Variants in RGS12 observed in about 807,000 individuals in gnomAD.
RGS12 encodes the protein regulator of G protein signaling 12.
RGS12 carries 66 observed loss-of-function variants against 120.1 expected under a neutral mutation model. The ratio of observed to expected loss-of-function variants is 0.55; its 90% CI spans 0.45 to 0.67. The LOEUF (loss-of-function observed/expected upper bound fraction) is 0.67. RGS12 is among the 30% of genes least tolerant of loss of function. The pLI is 0.00. For synonymous variants in RGS12, 827 were observed against 804.7 expected, an observed-to-expected ratio of 1.03 and a Z score of -0.47; for missense variants, 1,859 against 1,957.7, an observed-to-expected ratio of 0.95 and a Z score of 0.95.
chr4:3,306,286 G>A (rs1723961835), intron 1 of RGS12, among the ~76,000 whole-genome samples: 1 of 152,218 alleles, frequency 6.6e-6, no homozygotes, highest in Non-Finnish European at 1.5e-5. Flanking sequence ...GGAGCATTGG[G>A]GGCCGCCTGG....
At chr4:3,406,603 A>G (rs1304578234) in intron 4 of RGS12, among the ~76,000 whole-genome samples, 1 of 152,202 alleles carries the variant, frequency 6.6e-6, no homozygotes, top group Admixed American at 6.5e-5. Flanking sequence ...CAGAGAGTGC[A>G]GTGTCCTAGA....
chr4:3,423,373 G>C lies in RGS12; in HGVS notation c.3108-142G>C, dbSNP rs1389413473. 5.3e-6 allele frequency: 6 copies of C among 1,140,820 alleles called. No homozygotes were observed. In the African/African-American group the frequency reaches 7.6e-5, roughly 14 times the overall value. 70.7% of individuals were successfully genotyped at this position (1,140,820 alleles called of 1,614,324 possible). ...ACTTTTCCCACGTGGAGGAAGGCAC[G>C]TTCTGATCAGCTGGGGCTGAACTGG... On this transcript the variant is annotated intron_variant, in intron 12 of 17. Transcript: ENST00000336727.
chr4:3,321,239 G>A (rs939261562), intron 2 of RGS12, among the ~76,000 whole-genome samples: 9 of 152,202 alleles, frequency 5.9e-5, no homozygotes, highest in African/African-American at 2.2e-4. Flanking sequence ...AAAAGTGGGC[G>A]TGGGAGGCTT....
chr4:3,362,866 A>C (rs1240357139), intron 3 of RGS12, among the ~76,000 whole-genome samples: 1 of 117,914 alleles, frequency 8.5e-6, no homozygotes, highest in African/African-American at 3.7e-5. Context: ...TGTGTGTGCG[A>C]GGGTGTGTGT....
At chr4:3,288,263 G>A (rs574865307), upstream of RGS12, among the ~76,000 whole-genome samples, 1 of 152,248 alleles carries the variant, frequency 6.6e-6, no homozygotes, top group South Asian at 2.1e-4. This position sits in a 1 kb window ranked among gnomAD's most constrained non-coding sequence, Gnocchi z 5.2. Context: ...CTTCACAAAG[G>A]TTGTGACACA....
chr4:3,326,688 G>C (rs906572509), intron 2 of RGS12, among the ~76,000 whole-genome samples: 1 of 152,088 alleles, frequency 6.6e-6, no homozygotes, highest in African/African-American at 2.4e-5. Context: ...AGCTGAGAAA[G>C]AAATCAAGGA....
intron 3 of RGS12, among the ~76,000 whole-genome samples, chr4:3,358,148 C>CTGTT (rs1180128641): frequency 6.6e-6 from 1 of 152,032 alleles, no homozygotes; most frequent in Non-Finnish European, 1.5e-5. Context: ...AGATTATTCA[C>CTGTT]TGTTAGTGTA....
intron 1 of RGS12, among the ~76,000 whole-genome samples, chr4:3,294,196 C>G (rs967520662): frequency 4.6e-5 from 7 of 152,282 alleles, no homozygotes; most frequent in Admixed American, 4.6e-4. Flanking sequence ...CCGTCCTGTG[C>G]AGGGCCCTTC....
Position 3,365,601 on chromosome 4 carries a change from G to T in RGS12, c.1999-20815G>T, listed in dbSNP as rs1241387333. Among the ~76,000 whole-genome samples the T allele has an allele frequency of 2.0e-5, 3 of 152,108 alleles. No individual in the cohort carries two copies. Among genetic ancestry groups the T allele is most frequent in the Non-Finnish European group, 4.4e-5 (3 of 68,024 alleles). On this transcript the variant is annotated intron_variant, in intron 3 of 17. Transcript: ENST00000336727. This position sits in a 1 kb window ranked among gnomAD's most constrained non-coding sequence, Gnocchi z 4.0. ...CTTGGCTGTTGGGTTGATAATGTTG[G>T]CTTCTTCCTGGCCTCCCACTCACCT...
chr4:3,359,444 CCTT>C (rs1279885244), intron 3 of RGS12, among the ~76,000 whole-genome samples: 1 of 63,050 alleles, frequency 1.6e-5, no homozygotes, highest in African/African-American at 6.6e-5. Context: ...TCCCTCTCCC[CCTT>C]CTTCTTTTAG....
At chr4:3,423,391 T>C in intron 12 of RGS12, 124 bp from the exon 13 acceptor site, 1 of 1,315,612 alleles carries the variant, frequency 7.6e-7, no homozygotes, top group Non-Finnish European at 1.1e-6. Flanking sequence ...CAGCTGGGGC[T>C]GAACTGGGGG....
chr4:3,382,679 C>T (rs899552909), intron 3 of RGS12, among the ~76,000 whole-genome samples: 1 of 152,226 alleles, frequency 6.6e-6, no homozygotes, highest in South Asian at 2.1e-4. Flanking sequence ...TCTGCCCATC[C>T]CTCTGTACTG....
chr4:3,425,623 TATGGAGCCGGTGCAGGGGAGGGGGTGA>T, intron 14 of RGS12, 63 bp downstream of exon 14: 4 of 1,191,670 alleles, frequency 3.4e-6, no homozygotes, highest in South Asian at 1.3e-5. Context: ...GGGAGGGGGC[TATGGAGCCGGTGCAGGGGAGGGGGTGA>T]GTGGGGCCAG....
At chr4:3,307,334 A>G (rs1724032614) in intron 1 of RGS12, among the ~76,000 whole-genome samples, 1 of 152,194 alleles carries the variant, frequency 6.6e-6, no homozygotes, top group African/African-American at 2.4e-5. Flanking sequence ...TGCACACGGC[A>G]TGAGGTCCGT....
chr4:3,311,357 A>G (rs893832381), intron 1 of RGS12, among the ~76,000 whole-genome samples: 1 of 152,232 alleles, frequency 6.6e-6, no homozygotes, highest in African/African-American at 2.4e-5. Flanking sequence ...TTATCAGAAC[A>G]GGACCTTTTA....
chr4:3,431,085 C>A lies in RGS12; in HGVS notation c.4114+130C>A, dbSNP rs958638488. ...GTCTCCGTGACCCCCTCCTCACCTG[C>A]TGGTTGGGGGCTTCCTTGGCCCTCT... is the stretch of plus-strand genomic sequence containing the variant. On this transcript the variant is annotated intron_variant, in intron 17 of 17. Coordinates refer to ENST00000336727, the MANE Select transcript of RGS12 (RefSeq NM_001394154.1). 1.6e-5 allele frequency: 23 copies of A among 1,455,300 alleles called. No individual in the cohort carries two copies. The African/African-American group carries it at 3.3e-4, about 21-fold the overall frequency. 90.1% of individuals were successfully genotyped at this position (1,455,300 alleles called of 1,614,324 possible).
chr4:3,430,671 C>T lies in RGS12; in HGVS notation c.3830C>T (p.Ser1277Leu), dbSNP rs773564146. Reference sequence around the variant, plus strand: ...GACAGCCCGTCCACCAGCCCGGGCTCAGCCTCCAGCCCCCCTGGACCTCCT... The same window carrying T: ...GACAGCCCGTCCACCAGCCCGGGCTTAGCCTCCAGCCCCCCTGGACCTCCT... ...SSDSPSTSPG[S>L]ASSPPGPPGT... The change falls in exon 17 of 18, where the codon TCA (serine) becomes TTA (leucine). Residue 1277 changes from serine (S) to leucine (L), a missense_variant. By Grantham distance (145) the Ser-to-Leu change is moderately radical. Around this residue, in one of 3 missense-constraint regions of RGS12, gnomAD observed 517 missense variants for 488.5 expected, o/e 1.06. Transcript: ENST00000336727. 7.6e-6 allele frequency: 12 copies of T among 1,585,496 alleles called. No homozygotes were observed. The highest frequency in any genetic ancestry group is 8.6e-6 in the Non-Finnish European group (10 of 1,165,334).
rs754323632 is a variant in RGS12, at chr4:3,430,960, C to T, written c.4114+5C>T. The T allele has an allele frequency of 6.2e-7, 1 of 1,611,840 alleles. No individual in the cohort carries two copies. The highest frequency in any genetic ancestry group is 1.1e-5 in the South Asian group (1 of 91,054). The stretch of plus-strand genomic sequence containing the variant: ...TGCCAGGACCTTCCAGACCAGGTAC[C>T]TCCAGGTTCTGATCCCTCCACCTTG... On this transcript the variant is annotated splice_donor_5th_base_variant and intron_variant, in intron 17 of 17. Transcript: ENST00000336727.
intron 17 of RGS12, among the ~76,000 whole-genome samples, chr4:3,438,797 A>G (rs1161846351): frequency 1.3e-5 from 2 of 151,786 alleles, no homozygotes; most frequent in Non-Finnish European, 2.9e-5. Context: ...TGGAGCCAGA[A>G]GTGGGGCAAG....
Sources: allele counts gnomAD v4.1 joint callset (sites outside exome capture counted in the v4.1 genomes callset), GRCh38; gene constraint gnomAD v4.1.1; regional missense constraint gnomAD v4.1.1; non-coding constraint Gnocchi (gnomAD v3.1); transcripts MANE v1.5; gene names NCBI Gene and HGNC (gene_info 2026-07-23, HGNC 2026-07-21).